Variants in MNAT1 observed in about 807,000 individuals in gnomAD.
MNAT1 encodes MNAT1 component of CDK activating kinase, also known as CDK-activating kinase assembly factor MAT1.
In MNAT1, 43 loss-of-function variants were observed where a neutral mutation model predicts 42.0. That is an observed-to-expected ratio of 1.02 (90% CI 0.80 to 1.32). The LOEUF (loss-of-function observed/expected upper bound fraction) is 1.32, where lower values mean the gene tolerates loss of function less well. Ranked by LOEUF, MNAT1 falls within the 40% of genes most tolerant of loss-of-function variation. MNAT1 has a pLI of 0.00. For synonymous variants in MNAT1, 118 were observed against 120.0 expected (o/e 0.98, Z 0.11); for missense variants, 306 against 350.4 (o/e 0.87, Z 1.01).
At chr14:60,819,468 G>A (rs1250264112) in intron 6 of MNAT1, among the ~76,000 whole-genome samples, 8 of 151,374 alleles carry the variant, frequency 5.3e-5, no homozygotes, top group Admixed American at 3.3e-4. Context: ...TTGAGATGTA[G>A]CCACTCTAAA....
intron 1 of MNAT1, among the ~76,000 whole-genome samples, chr14:60,758,436 C>T (rs2030455476): frequency 1.3e-5 from 2 of 151,978 alleles, no homozygotes; most frequent in Admixed American, 1.3e-4. Flanking sequence ...CTCCTGGGCT[C>T]AAGTGATCCT....
chr14:60,883,269 G>A (rs2034590993), intron 7 of MNAT1, among the ~76,000 whole-genome samples: 1 of 152,020 alleles, frequency 6.6e-6, no homozygotes, highest in Admixed American at 6.6e-5. Flanking sequence ...TGAGAGTTAG[G>A]GGTCTAGTTT....
At chr14:60,797,284 T>C (rs192162220) in intron 2 of MNAT1, among the ~76,000 whole-genome samples, 2 of 152,280 alleles carry the variant, frequency 1.3e-5, no homozygotes, top group East Asian at 3.9e-4. Context: ...TGATCTTTCA[T>C]TGGTAATTCC....
intron 6 of MNAT1, among the ~76,000 whole-genome samples, chr14:60,858,209 T>G (rs1408378044): frequency 1.3e-5 from 2 of 152,206 alleles, no homozygotes; most frequent in African/African-American, 4.8e-5. Flanking sequence ...AAAGCATTCC[T>G]ATTTCTCCAC....
At chr14:60,857,719 C>A (rs1007433388) in intron 6 of MNAT1, among the ~76,000 whole-genome samples, 3 of 151,806 alleles carry the variant, frequency 2.0e-5, no homozygotes, top group Non-Finnish European at 4.4e-5. Context: ...TGCTATCCCT[C>A]CCCCAGCCCC....
chr14:60,865,383 A>G (rs896442999), intron 6 of MNAT1, among the ~76,000 whole-genome samples: 1 of 152,108 alleles, frequency 6.6e-6, no homozygotes, highest in Admixed American at 6.6e-5. Context: ...CTTGGAAATT[A>G]TTTTTGAAAT....
intron 6 of MNAT1, among the ~76,000 whole-genome samples, chr14:60,853,547 T>G (rs1209730018): frequency 6.6e-6 from 1 of 152,188 alleles, no homozygotes; most frequent in Non-Finnish European, 1.5e-5. Flanking sequence ...TTCTTTCTCT[T>G]GCCTGATTGT....
intron 7 of MNAT1, among the ~76,000 whole-genome samples, chr14:60,896,767 T>G (rs2034966221): frequency 6.6e-6 from 1 of 152,172 alleles, no homozygotes; most frequent in Non-Finnish European, 1.5e-5. Flanking sequence ...ATTACAGGCA[T>G]GAGCCACCGC....
chr14:60,853,954 C>CT (rs1035339840), intron 6 of MNAT1, among the ~76,000 whole-genome samples: 1 of 152,020 alleles, frequency 6.6e-6, no homozygotes, highest in Non-Finnish European at 1.5e-5. Context: ...TATTCCTGGG[C>CT]TTTTTTCACA....
chr14:60,817,281 A>C (rs190964308), intron 5 of MNAT1, among the ~76,000 whole-genome samples: 55 of 152,016 alleles, frequency 3.6e-4, no homozygotes, highest in Admixed American at 2.0e-3. Flanking sequence ...AAGGAATCTT[A>C]GCAATACAGT....
chr14:60,836,431 C>G (rs538028724), intron 6 of MNAT1, among the ~76,000 whole-genome samples: 1 of 152,258 alleles, frequency 6.6e-6, no homozygotes, highest in South Asian at 2.1e-4. Flanking sequence ...GTGTGGACAT[C>G]CTTTTTGTTG....
At chr14:60,950,705 C>A (rs1385374382) in intron 7 of MNAT1, among the ~76,000 whole-genome samples, 1 of 152,168 alleles carries the variant, frequency 6.6e-6, no homozygotes, top group African/African-American at 2.4e-5. Context: ...AGATTGGACA[C>A]CCCTGATGTA....
intron 1 of MNAT1, among the ~76,000 whole-genome samples, chr14:60,748,133 G>T (rs973443742): frequency 6.6e-5 from 10 of 151,944 alleles, no homozygotes; most frequent in African/African-American, 2.2e-4. Context: ...GGAGGCAGAG[G>T]TTGCAGTGAG....
At chr14:60,925,204 A>G (rs914407403) in intron 7 of MNAT1, among the ~76,000 whole-genome samples, 3 of 152,220 alleles carry the variant, frequency 2.0e-5, no homozygotes, top group Admixed American at 6.5e-5. Flanking sequence ...TGTATTAGGT[A>G]TTATAACTAA....
intron 7 of MNAT1, among the ~76,000 whole-genome samples, chr14:60,918,757 T>TATATA (rs76614015): frequency 6.9e-6 from 1 of 144,604 alleles, no homozygotes; most frequent in East Asian, 2.1e-4. Context: ...TATATATATA[T>TATATA]TTTTGTCCTT....
chr14:60,793,356 TTTTA>T (rs371538777), intron 1 of MNAT1, among the ~76,000 whole-genome samples: 3 of 151,730 alleles, frequency 2.0e-5, no homozygotes, highest in Non-Finnish European at 2.9e-5. Flanking sequence ...TTTCCTGTTA[TTTTA>T]TTTATTTATT....
At chr14:60,877,514 T>C (rs2034459607) in intron 6 of MNAT1, among the ~76,000 whole-genome samples, 1 of 152,040 alleles carries the variant, frequency 6.6e-6, no homozygotes, top group African/African-American at 2.4e-5. Context: ...TGCATCCAAC[T>C]TAGTAATTTA....
intron 6 of MNAT1, among the ~76,000 whole-genome samples, chr14:60,828,949 G>C (rs2033141116): frequency 1.3e-5 from 2 of 152,166 alleles, no homozygotes; most frequent in Non-Finnish European, 2.9e-5. Flanking sequence ...CCCTCTCGGG[G>C]TGGGCTACCA....
chr14:60,843,461 G>A (rs899919920), intron 6 of MNAT1, among the ~76,000 whole-genome samples: 1 of 151,858 alleles, frequency 6.6e-6, no homozygotes, highest in Non-Finnish European at 1.5e-5. Context: ...TAGTAGAGAC[G>A]GGGTTTCACC....
Sources: allele counts gnomAD v4.1 joint callset (sites outside exome capture counted in the v4.1 genomes callset), GRCh38; gene constraint gnomAD v4.1.1; transcripts MANE v1.5; gene names NCBI Gene and HGNC (gene_info 2026-07-23, HGNC 2026-07-21).